KCNN2: variants seen among roughly 807,000 people sequenced by gnomAD.
KCNN2 encodes the protein potassium calcium-activated channel subfamily N member 2.
A neutral mutation model predicts 55.5 loss-of-function variants in KCNN2; 24 were observed. The observed-to-expected ratio is 0.43, with a 90% CI of 0.31 to 0.61. The LOEUF (loss-of-function observed/expected upper bound fraction) is 0.61, where lower values mean the gene tolerates loss of function less well. Ranked by LOEUF, KCNN2 falls within the 20% of genes least tolerant of loss-of-function variation. KCNN2 has a pLI of 0.08. For synonymous variants in KCNN2, 431 were observed against 336.1 expected, an observed-to-expected ratio of 1.28 and a Z score of -3.09; for missense variants, 754 against 853.6, an observed-to-expected ratio of 0.88 and a Z score of 1.45.
intron 2 of KCNN2, among the ~76,000 whole-genome samples, chr5:114,267,830 T>C (rs1227414829): frequency 2.0e-5 from 3 of 152,214 alleles, no homozygotes; most frequent in Non-Finnish European, 4.4e-5. Context: ...TTGCAGTTAA[T>C]TCAGGCATTT....
intron 2 of KCNN2, among the ~76,000 whole-genome samples, chr5:114,226,438 T>G (rs1460637686): frequency 6.6e-6 from 1 of 152,240 alleles, no homozygotes; most frequent in Non-Finnish European, 1.5e-5. Flanking sequence ...CAACTTGCCA[T>G]TTATTTTAAC....
At chr5:114,360,451 G>A (rs1179841726), upstream of KCNN2, among the ~76,000 whole-genome samples, 7 of 152,100 alleles carry the variant, frequency 4.6e-5, no homozygotes, top group African/African-American at 1.7e-4. Flanking sequence ...GGTCTAACTC[G>A]TTGTAATAGT....
In KCNN2 at chr5:114,085,010, G is replaced by GAT. The variant is rs148604286; in HGVS notation, c.-271+28523_-271+28524dup. Among the ~76,000 whole-genome samples the GAT allele has an allele frequency of 2.7e-4, 40 of 149,574 alleles. No individual in the cohort carries two copies. In the Middle Eastern group the frequency reaches 0.01, roughly 38 times the overall value. ...TGAACTTTATATTCTCTTCCATTGA[G>GAT]ATATATATATATATTTTCTGTTCCA... is the stretch of plus-strand genomic sequence containing the variant. On this transcript the variant is annotated intron_variant, in intron 1 of 10. Coordinates refer to the KCNN2 transcript ENST00000512097.
At position 114,366,309 on chromosome 5, in the gene KCNN2, A is replaced by G. The variant is rs530878633; in HGVS notation, c.1218+2308A>G. Among the ~76,000 whole-genome samples, 7 of 152,338 alleles carry G rather than the reference A, an allele frequency of 4.6e-5. No homozygotes were observed. In the East Asian group the frequency reaches 9.7e-4, roughly 21 times the overall value. Reference sequence around the variant, plus strand: ...CAACATAAACGTTATAGAATGATATATGTTTTAAAATTCGGTTTATTTTAT... The same window carrying G: ...CAACATAAACGTTATAGAATGATATGTGTTTTAAAATTCGGTTTATTTTAT... On this transcript the variant is annotated intron_variant, in intron 2 of 7. Coordinates refer to ENST00000673685, the MANE Select transcript of KCNN2 (RefSeq NM_021614.4).
intron 1 of KCNN2, among the ~76,000 whole-genome samples, chr5:114,159,392 G>A (rs975573775): frequency 1.3e-5 from 2 of 152,112 alleles, no homozygotes; most frequent in African/African-American, 4.8e-5. Flanking sequence ...ATGTGTTGCT[G>A]GATTCGGTTT....
intron 4 of KCNN2, among the ~76,000 whole-genome samples, chr5:114,467,533 C>T (rs1343288675): frequency 1.3e-5 from 2 of 151,818 alleles, no homozygotes; most frequent in Non-Finnish European, 2.9e-5. Flanking sequence ...CAGATAAAGC[C>T]CCAGTGAAGA....
At chr5:114,284,527 T>C (rs909456066) in intron 2 of KCNN2, among the ~76,000 whole-genome samples, 3 of 152,166 alleles carry the variant, frequency 2.0e-5, no homozygotes, top group Non-Finnish European at 2.9e-5. Context: ...TTTTTTCTTT[T>C]TTTGTTTTTG....
intron 3 of KCNN2, among the ~76,000 whole-genome samples, chr5:114,429,818 CTTTT>C (rs61595962): frequency 1.4e-5 from 1 of 71,258 alleles, no homozygotes; most frequent in Admixed American, 1.9e-4. Flanking sequence ...TATATAGATG[CTTTT>C]TTTTTTTTTT....
At chr5:114,312,778 C>A (rs1169723217) in intron 2 of KCNN2, among the ~76,000 whole-genome samples, 1 of 151,876 alleles carries the variant, frequency 6.6e-6, no homozygotes, top group Non-Finnish European at 1.5e-5. Context: ...GTTTTCAAGG[C>A]AATGTTTATT....
intron 1 of KCNN2, among the ~76,000 whole-genome samples, chr5:114,071,979 T>A (rs533549126): frequency 6.6e-6 from 1 of 152,276 alleles, no homozygotes; most frequent in Non-Finnish European, 1.5e-5. Flanking sequence ...TTAGTTATTG[T>A]GAGCATGGGT....
In KCNN2 at chr5:114,369,635, A is replaced by G. The variant is rs571848577; in HGVS notation, c.1218+5634A>G. ...GATGTCTATATTGCCAGCATCCTCT[A>G]TATCAGAAGTAATGAGATGCTCAGT... On this transcript the variant is annotated intron_variant, in intron 2 of 7. Coordinates refer to ENST00000673685, the MANE Select transcript of KCNN2 (RefSeq NM_021614.4). 2.6e-5 allele frequency among the ~76,000 whole-genome samples: 4 copies of G among 152,248 alleles called. No individual in the cohort carries two copies. The East Asian group carries it at 7.7e-4, about 29-fold the overall frequency.
intron 2 of KCNN2, among the ~76,000 whole-genome samples, chr5:114,270,315 CA>C (rs1484246995): frequency 6.6e-6 from 1 of 152,136 alleles, no homozygotes; most frequent in Admixed American, 6.6e-5. Context: ...ACATTTATAT[CA>C]AATTTCAGTC....
intron 1 of KCNN2, among the ~76,000 whole-genome samples, chr5:114,177,247 C>T (rs1354074317): frequency 6.6e-6 from 1 of 151,560 alleles, no homozygotes; most frequent in Non-Finnish European, 1.5e-5. Context: ...ACGCCATTCT[C>T]CTGCCTCAGC....
intron 2 of KCNN2, among the ~76,000 whole-genome samples, chr5:114,374,598 G>A (rs546143237): frequency 3.8e-4 from 58 of 152,116 alleles, no homozygotes; most frequent in African/African-American, 1.4e-3. Context: ...TGATTGTTTT[G>A]CTTTTTTATC....
At chr5:114,491,741 A>G (rs1463561243) in intron 6 of KCNN2, among the ~76,000 whole-genome samples, 3 of 152,102 alleles carry the variant, frequency 2.0e-5, no homozygotes, top group Non-Finnish European at 4.4e-5. Context: ...ACTTCATTTC[A>G]TATGTGAGGA....
At chr5:114,218,362 A>G (rs942527753) in intron 1 of KCNN2, among the ~76,000 whole-genome samples, 4 of 152,252 alleles carry the variant, frequency 2.6e-5, no homozygotes, top group Non-Finnish European at 5.9e-5. Context: ...AGGTGAATGG[A>G]TAAATAAACT....
intron 1 of KCNN2, among the ~76,000 whole-genome samples, chr5:114,141,643 A>G (rs1009099832): frequency 8.5e-5 from 13 of 152,148 alleles, no homozygotes; most frequent in South Asian, 2.1e-4. Context: ...TTGGGTATAT[A>G]CCCAGTAATG....
At chr5:114,180,365 T>G (rs143782231) in intron 1 of KCNN2, among the ~76,000 whole-genome samples, 1,865 of 152,272 alleles carry the variant, frequency 0.012, 37 homozygotes, top group African/African-American at 0.041. Flanking sequence ...GCAATACATT[T>G]CAGACAATAT....
chr5:114,217,845 G>T (rs754906441), intron 1 of KCNN2, among the ~76,000 whole-genome samples: 2 of 152,114 alleles, frequency 1.3e-5, no homozygotes, highest in East Asian at 3.9e-4. Context: ...ATTTTTAAAA[G>T]ACACATCTGA....
Sources: gnomAD v4.1 joint callset for allele counts (sites outside exome capture counted in the v4.1 genomes callset) on GRCh38, gnomAD v4.1.1 for gene constraint, MANE v1.5 for transcripts, NCBI Gene and HGNC (gene_info 2026-07-23, HGNC 2026-07-21) for gene names.